The following FGL1 variants were observed in gnomAD, a reference collection of about 807,000 sequenced individuals.
FGL1 encodes fibrinogen-like protein 1.
FGL1 carries 59 observed loss-of-function variants against 43.7 expected under a neutral mutation model. The observed-to-expected ratio is 1.35, with a 90% confidence interval of 1.10 to 1.68. FGL1 has a LOEUF of 1.68. Among genes scored for constraint, FGL1 ranks in the 40% most tolerant of loss-of-function variants. The pLI, the probability that FGL1 is intolerant of heterozygous loss-of-function variation, is 0.00. For synonymous variants in FGL1, 192 were observed against 126.5 expected (o/e 1.52, Z -3.48); for missense variants, 596 against 373.0 (o/e 1.60, Z -4.92).
chr8:17,882,015 G>C lies in FGL1; in HGVS notation c.228C>G (p.Ser76Arg). The change falls in exon 3 of 8, where the codon AGC becomes AGG. Residue 76 changes from serine to arginine, a missense_variant. Ser to Arg is a moderately radical substitution (Grantham distance 110). Coordinates refer to ENST00000427924, the MANE Select transcript of FGL1 (RefSeq NM_004467.4). ...GDENTVIDLG[S>R]KRQYADCSEI... ...CATTCTGACCTGCATACTGCCTCTTGCTTCCAAGATCAATGACAGTATTCT... is the reference window on the plus strand; with the variant it reads ...CATTCTGACCTGCATACTGCCTCTTCCTTCCAAGATCAATGACAGTATTCT... The C allele has an allele frequency of 6.2e-7, 1 of 1,613,738 alleles. No individual in the cohort carries two copies. The highest frequency in any genetic ancestry group is 8.5e-7 in the Non-Finnish European group (1 of 1,179,850).
At chr8:17,891,674 T>C in intron 1 of FGL1, 2 of 985,238 alleles carry the variant, frequency 2.0e-6, no homozygotes, top group Non-Finnish European at 2.4e-6. Context: ...GAAGAAAACT[T>C]GTAAACCTGA....
intron 4 of FGL1, 112 bp downstream of exon 4, chr8:17,874,250 G>A: frequency 2.2e-6 from 3 of 1,384,838 alleles, no homozygotes; most frequent in Non-Finnish European, 3.0e-6. Context: ...TTCTTCTTTA[G>A]AGAGATTGAA....
chr8:17,881,093 C>T (rs924626421), intron 3 of FGL1, among the ~76,000 whole-genome samples: 1 of 151,548 alleles, frequency 6.6e-6, no homozygotes, highest in African/African-American at 2.4e-5. Context: ...AAACACAAAG[C>T]TCAAATGCAA....
At chr8:17,885,738 A>C in intron 1 of FGL1, 167 bp from the exon 2 acceptor site, 1 of 592,864 alleles carries the variant, frequency 1.7e-6, no homozygotes, top group Non-Finnish European at 3.0e-6. Context: ...CACCACACAG[A>C]ATGACACTGA....
chr8:17,885,422 G>A lies in FGL1; in HGVS notation c.63+70C>T, dbSNP rs1241948909. 137 of 1,362,532 alleles carry A rather than the reference G, an allele frequency of 1.0e-4. 1 individual carries two copies. In the South Asian group the frequency reaches 1.1e-3, roughly 11 times the overall value. 84.4% of individuals were successfully genotyped at this position (1,362,532 alleles called of 1,614,324 possible). On this transcript the variant is annotated intron_variant, in intron 2 of 7. Transcript: ENST00000427924. ...AATGACAAGTCACTATAGGTTTAAT[G>A]CAAAATGAAAGAAAATTCAGATAAA... is the stretch of plus-strand genomic sequence containing the variant.
At chr8:17,892,949 C>T (rs976716591) in intron 1 of FGL1, among the ~76,000 whole-genome samples, 1 of 152,146 alleles carries the variant, frequency 6.6e-6, no homozygotes. Context: ...CCTGTAATCC[C>T]AGCACGTTGA....
Position 17,895,328 on chromosome 8 carries a change from A to T in FGL1, c.-18+119T>A, listed in dbSNP as rs574297096. On this transcript the variant is annotated intron_variant, in intron 1 of 7. Transcript: ENST00000427924. Reference sequence around the variant, plus strand: ...AGCAGAAGCAGACTCCTTGCTAGTCAACCTGACTTCTTGCAAAAGCTAATG... The same window carrying T: ...AGCAGAAGCAGACTCCTTGCTAGTCTACCTGACTTCTTGCAAAAGCTAATG... 3 of 1,148,582 alleles carry T rather than the reference A, an allele frequency of 2.6e-6. No individual in the cohort carries two copies. The African/African-American group carries it at 4.8e-5, about 18-fold the overall frequency. The allele number at this position is 1,148,582 out of a possible 1,614,324, so 71.1% of individuals were successfully genotyped here. A position where few individuals can be genotyped will look rare whatever the true frequency, so the allele number is the denominator to read the frequency against.
rs770023066 is a variant in FGL1 at position 17,864,619 on chromosome 8, T to C, written c.912A>G (p.Pro304=). 151 of 1,609,902 alleles carry C rather than the reference T, an allele frequency of 9.4e-5. No homozygotes were observed. In the East Asian group the frequency reaches 3.3e-3, roughly 36 times the overall value. The change falls in exon 8 of 8, where the codon CCA becomes CCG. Residue 304 remains proline, a synonymous_variant. Coordinates refer to ENST00000427924, the MANE Select transcript of FGL1 (RefSeq NM_004467.4). ...AAATTACATTTGGAATAAAATCATT[T>C]GGCCTAATTTTCATAACCACAGATT... ...SLKSVVMKIR[P]NDFIPNVI
chr8:17,884,231 G>A (rs902592932), intron 2 of FGL1, among the ~76,000 whole-genome samples: 2 of 151,196 alleles, frequency 1.3e-5, no homozygotes, highest in African/African-American at 4.9e-5. Flanking sequence ...TTGCTCTGTT[G>A]CCCAGGCTGG....
In FGL1 at chr8:17,874,005, C is replaced by G. The variant is rs770035105; in HGVS notation, c.502+14G>C. The G allele has an allele frequency of 3.9e-6, 6 of 1,542,128 alleles. No individual in the cohort carries two copies. Among genetic ancestry groups the G allele is most frequent in the South Asian group, 1.3e-5 (1 of 79,756 alleles). On this transcript the variant is annotated intron_variant, in intron 5 of 7. Transcript: ENST00000427924. ...ATTATATTTCAAATAAATCTGACAT[C>G]ATTCAAACCTTACCTTGAGTGGTCA...
chr8:17,894,708 A>G (rs1402932465), intron 1 of FGL1, among the ~76,000 whole-genome samples: 1 of 146,674 alleles, frequency 6.8e-6, no homozygotes, highest in Non-Finnish European at 1.5e-5. Context: ...ACAAACGACA[A>G]CAACAAAAAA....
At chr8:17,878,910 T>C (rs1427737457) in intron 3 of FGL1, among the ~76,000 whole-genome samples, 1 of 149,424 alleles carries the variant, frequency 6.7e-6, no homozygotes, top group Non-Finnish European at 1.5e-5. Context: ...TATATATATA[T>C]AAAACACTAT....
chr8:17,867,276 A>G (rs1220415725), intron 7 of FGL1, among the ~76,000 whole-genome samples: 2 of 152,182 alleles, frequency 1.3e-5, no homozygotes, highest in Non-Finnish European at 2.9e-5. Flanking sequence ...AAAGAAAATA[A>G]AATTTACCAA....
chr8:17,865,169 A>G (rs755313308), intron 7 of FGL1, among the ~76,000 whole-genome samples: 1 of 152,128 alleles, frequency 6.6e-6, no homozygotes, highest in Non-Finnish European at 1.5e-5. Context: ...AGTGCATTGA[A>G]AAATAAGCAT....
chr8:17,867,960 T>A (rs2053295059), intron 7 of FGL1, among the ~76,000 whole-genome samples: 1 of 152,072 alleles, frequency 6.6e-6, no homozygotes, highest in Admixed American at 6.6e-5. Context: ...ATATTTTGTA[T>A]CAGTAAAAAA....
At chr8:17,887,791 C>T (rs963159667) in intron 1 of FGL1, among the ~76,000 whole-genome samples, 2 of 150,816 alleles carry the variant, frequency 1.3e-5, no homozygotes, top group East Asian at 1.9e-4. Context: ...GCCGAGATCA[C>T]GCCACTGCAC....
chr8:17,883,261 TATAATATATTAA>T (rs1490499225), intron 2 of FGL1, among the ~76,000 whole-genome samples: 267 of 93,736 alleles, frequency 2.8e-3, no homozygotes, highest in African/African-American at 3.4e-3. Flanking sequence ...ATATATCATA[TATAATATATTAA>T]ATAATATATC....
intron 1 of FGL1, among the ~76,000 whole-genome samples, chr8:17,887,273 A>G (rs1210100217): frequency 6.6e-6 from 1 of 152,162 alleles, no homozygotes; most frequent in Non-Finnish European, 1.5e-5. Flanking sequence ...TTCTCCATCA[A>G]AGGAGGCTTT....
intron 1 of FGL1, among the ~76,000 whole-genome samples, chr8:17,894,753 A>C (rs2053751486): frequency 1.4e-5 from 2 of 146,646 alleles, no homozygotes; most frequent in South Asian, 4.2e-4. Flanking sequence ...TTCTTATTCC[A>C]ATGTTTGATT....
Sources: allele counts gnomAD v4.1 joint callset (sites outside exome capture counted in the v4.1 genomes callset), GRCh38; gene constraint gnomAD v4.1.1; transcripts MANE v1.5; gene names NCBI Gene and HGNC (gene_info 2026-07-23, HGNC 2026-07-21).